DSP: variants seen among roughly 807,000 people sequenced by gnomAD.
DSP encodes the protein 250/210 kDa paraneoplastic pemphigus antigen.
In DSP, 114 loss-of-function variants were observed where a neutral mutation model predicts 290.6. The ratio of observed to expected loss-of-function variants is 0.39; its 90% CI spans 0.34 to 0.46. DSP has a LOEUF of 0.46. DSP is among the 20% of genes least tolerant of loss of function. DSP has a pLI of 0.99. For missense variants in DSP, 3,230 were observed against 3,495.8 expected (o/e 0.92, Z 1.92); for synonymous variants, 1,311 against 1,316.4 (o/e 1.00, Z 0.09).
In DSP at chr6:7,581,219, C is replaced by A; in HGVS notation, c.5029C>A (p.Gln1677Lys). ...ACTCCAGGAACAGGAAAGTGTCAAA[C>A]AAGCTCACTTGAGGAATGAGCATTT... ...QLLQEQESVK[Q>K]AHLRNEHFQK... The change falls in exon 23 of 24, where the codon CAA becomes AAA. Residue 1677 changes from glutamine to lysine, a missense_variant. Gln to Lys is a moderately conservative substitution (Grantham distance 53). Transcript: ENST00000379802. 6.2e-7 allele frequency: 1 copy of A among 1,614,168 alleles called. No individual in the cohort carries two copies. Among genetic ancestry groups the A allele is most frequent in the Non-Finnish European group, 8.5e-7 (1 of 1,180,040 alleles).
rs879254349 is a variant in DSP at position 7,582,968 on chromosome 6, C to T, written c.5706C>T (p.Leu1902=). Residue 1902 remains leucine, a synonymous_variant, in exon 24 of 24, where the codon CTC becomes CTT. Transcript: ENST00000379802. The surrounding 1 kb of genome is among the most constrained non-coding windows in gnomAD (Gnocchi z 4.2). ...GTCTTAGGAGTGAGATCGAAAGACT[C>T]CAAGCAGAGATCAAGAGAATTGAAG... ...KNSLRSEIER[L]QAEIKRIEER... The T allele has an allele frequency of 1.2e-6, 2 of 1,613,722 alleles. No individual in the cohort carries two copies. Among genetic ancestry groups the T allele is most frequent in the Non-Finnish European group, 1.7e-6 (2 of 1,179,974 alleles).
chr6:7,579,172 G>A lies in DSP; in HGVS notation c.3085-103G>A. 2.0e-6 allele frequency: 3 copies of A among 1,489,692 alleles called. No homozygotes were observed. The highest frequency in any genetic ancestry group is 2.7e-6 in the Non-Finnish European group (3 of 1,094,394). The allele number at this position is 1,489,692 out of a possible 1,614,324, so 92.3% of individuals were successfully genotyped here. A position where few individuals can be genotyped will look rare whatever the true frequency, so the allele number is the denominator to read the frequency against. On this transcript the variant is annotated intron_variant, in intron 22 of 23. Coordinates refer to ENST00000379802, the MANE Select transcript of DSP (RefSeq NM_004415.4). This position sits in a 1 kb window ranked among gnomAD's most constrained non-coding sequence, Gnocchi z 4.1. Reference sequence around the variant, plus strand: ...TTGCATGTATGTCCATGTGTGTAAAGAGAAATAAGAATGCACATTGGTCTG... The same window carrying A: ...TTGCATGTATGTCCATGTGTGTAAAAAGAAATAAGAATGCACATTGGTCTG...
rs1422876320 is a variant in DSP at position 7,580,222 on chromosome 6, T to C, written c.4032T>C (p.Tyr1344=). 1.9e-6 allele frequency: 3 copies of C among 1,613,656 alleles called. No individual in the cohort carries two copies. Among genetic ancestry groups the C allele is most frequent in the African/African-American group, 1.3e-5 (1 of 74,792 alleles). The change falls in exon 23 of 24, where the codon TAT becomes TAC. Residue 1344 remains tyrosine (Y), a synonymous_variant. Coordinates refer to ENST00000379802, the MANE Select transcript of DSP (RefSeq NM_004415.4). The surrounding 1 kb of genome is among the most constrained non-coding windows in gnomAD (Gnocchi z 4.2). ...FQEEAKRRWE[Y]ENELSKVRNN... ...AGGAGGCCAAGCGCCGCTGGGAATA[T>C]GAAAATGAACTGAGTAAGGTAAGAA...
At position 7,585,333 on chromosome 6, in the gene DSP, G is replaced by A; in HGVS notation, c.8071G>A (p.Ala2691Thr). The A allele has an allele frequency of 1.2e-6, 2 of 1,614,164 alleles. No individual in the cohort carries two copies. Among genetic ancestry groups the A allele is most frequent in the Non-Finnish European group, 8.5e-7 (1 of 1,180,036 alleles). Residue 2691 changes from alanine to threonine, a missense_variant, in exon 24 of 24, where the codon GCT (alanine) becomes ACT (threonine). This residue lies in a region of DSP where 582 missense variants were observed against 555.4 expected (regional missense o/e 1.05). Coordinates refer to ENST00000379802, the MANE Select transcript of DSP (RefSeq NM_004415.4). ...DQDMATRLKP[A>T]QKAFIGFEGV... ...AGACATGGCCACCAGGCTGAAGCCT[G>A]CTCAGAAAGCCTTCATAGGCTTCGA...
rs771686214 is a variant in DSP, at chr6:7,581,437, C to G, written c.5247C>G (p.Ile1749Met). 8 of 1,612,850 alleles carry G rather than the reference C, an allele frequency of 5.0e-6. No individual in the cohort carries two copies. Among genetic ancestry groups the G allele is most frequent in the Non-Finnish European group, 6.8e-6 (8 of 1,179,548 alleles). ...CGGACAGTGATAAAAATGCAACCAT[C>G]TTGGAACTAAGGAGCCAGCTGCAGA... The part of the protein sequence containing the change: ...SEADSDKNAT[I>M]LELRSQLQIS... The change falls in exon 23 of 24, where the codon ATC becomes ATG. Residue 1749 changes from isoleucine to methionine, a missense_variant. By Grantham distance (10) the Ile-to-Met change is conservative. Around this residue, in one of 5 missense-constraint regions of DSP, gnomAD observed 1,714 missense variants for 1,844.5 expected, o/e 0.93. Coordinates refer to ENST00000379802, the MANE Select transcript of DSP (RefSeq NM_004415.4).
In DSP at chr6:7,585,970, GT is replaced by G; in HGVS notation, c.*93del. 4 of 1,295,190 alleles carry G rather than the reference GT, an allele frequency of 3.1e-6. No individual in the cohort carries two copies. Among genetic ancestry groups the G allele is most frequent in the Non-Finnish European group, 3.3e-6 (3 of 906,882 alleles). The allele number at this position is 1,295,190 out of a possible 1,614,324, so 80.2% of individuals were successfully genotyped here. Reference sequence around the variant, plus strand: ...AGAAAAGAAAATCCCGGTGCTTGCAGTAGAGTGATAGGACATTCTATGCTTA... The same window carrying G: ...AGAAAAGAAAATCCCGGTGCTTGCAGAGAGTGATAGGACATTCTATGCTTA... On this transcript the variant is annotated 3_prime_UTR_variant, in exon 24 of 24. Coordinates refer to ENST00000379802, the MANE Select transcript of DSP (RefSeq NM_004415.4).
At position 7,584,718 on chromosome 6, in the gene DSP, G is replaced by A. The variant is rs1296050454; in HGVS notation, c.7456G>A (p.Gly2486Ser). The A allele has an allele frequency of 6.2e-7, 1 of 1,614,018 alleles. No individual in the cohort carries two copies. Among genetic ancestry groups the A allele is most frequent in the African/African-American group, 1.3e-5 (1 of 74,908 alleles). ...EMSVQEAYKK[G>S]LIDYETFKEL... is the part of the protein sequence containing the mutation. ...GTCTGTTCAGGAGGCCTACAAGAAG[G>A]GCCTAATTGATTATGAAACCTTCAA... Residue 2486 changes from glycine to serine, a missense_variant, in exon 24 of 24, where the codon GGC becomes AGC. By Grantham distance (56) the Gly-to-Ser change is moderately conservative (BLOSUM62 0). Around this residue, in one of 5 missense-constraint regions of DSP, gnomAD observed 582 missense variants for 555.4 expected, o/e 1.05. Transcript: ENST00000379802. This position sits in a 1 kb window ranked among gnomAD's most constrained non-coding sequence, Gnocchi z 6.4.
chr6:7,579,896 A>C lies in DSP; in HGVS notation c.3706A>C (p.Arg1236=), dbSNP rs377098318. 1 of 1,614,072 alleles carries C rather than the reference A, an allele frequency of 6.2e-7. No individual in the cohort carries two copies. The highest frequency in any genetic ancestry group is 1.3e-5 in the African/African-American group (1 of 74,950). The change falls in exon 23 of 24, where the codon AGA becomes CGA. Residue 1236 remains arginine (R), a synonymous_variant. Coordinates refer to ENST00000379802, the MANE Select transcript of DSP (RefSeq NM_004415.4). This position sits in a 1 kb window ranked among gnomAD's most constrained non-coding sequence, Gnocchi z 4.1. ...AAAAGAGGATGATTCCAAAAATCTT[A>C]GAAACCAGCTTGATAGACTTTCAAG... ...MQKEDDSKNL[R]NQLDRLSREN...
chr6:7,583,393 CCA>C lies in DSP; in HGVS notation c.6134_6135del (p.Thr2045SerfsTer15). Reference sequence around the variant, plus strand: ...AGAAAGAAATTAATCAGCCCAGAATCCACAGTCATGCTTCTGGAGGCCCAGGC... The same window carrying C: ...AGAAAGAAATTAATCAGCCCAGAATCCAGTCATGCTTCTGGAGGCCCAGGC... On this transcript the variant is annotated frameshift_variant, in exon 24 of 24. Transcript: ENST00000379802. LOFTEE classifies it high-confidence loss of function. This position sits in a 1 kb window ranked among gnomAD's most constrained non-coding sequence, Gnocchi z 4.0. 6.2e-7 allele frequency: 1 copy of C among 1,614,164 alleles called. No individual in the cohort carries two copies. The highest frequency in any genetic ancestry group is 8.5e-7 in the Non-Finnish European group (1 of 1,180,038).
Position 7,570,796 on chromosome 6 carries a change from C to T in DSP, c.1701+233C>T, listed in dbSNP as rs149295757. On this transcript the variant is annotated intron_variant, in intron 13 of 23. Transcript: ENST00000379802. ...ATACTAATTCAGGTGGCCTGACAAGCAAGCCAGAAGTGCCTGTGGAAAAGT... is the reference window on the plus strand; with the variant it reads ...ATACTAATTCAGGTGGCCTGACAAGTAAGCCAGAAGTGCCTGTGGAAAAGT... Among the ~76,000 whole-genome samples, 1,129 of 152,308 alleles carry T rather than the reference C, an allele frequency of 7.4e-3. 10 individuals carry two copies. Among genetic ancestry groups the T allele is most frequent in the Non-Finnish European group, 0.01 (688 of 68,022 alleles).
chr6:7,580,637 A>C lies in DSP; in HGVS notation c.4447A>C (p.Ile1483Leu). 6.2e-7 allele frequency: 1 copy of C among 1,614,118 alleles called. No individual in the cohort carries two copies. The highest frequency in any genetic ancestry group is 8.5e-7 in the Non-Finnish European group (1 of 1,180,036). Reference protein sequence around the residue: ...AKTIQDKNKEIERLKQLIDKE... With the variant: ...AKTIQDKNKELERLKQLIDKE... ...AACCATCCAGGATAAAAACAAGGAGATAGAAAGGTTAAAACAACTGATCGA... is the reference window on the plus strand; with the variant it reads ...AACCATCCAGGATAAAAACAAGGAGCTAGAAAGGTTAAAACAACTGATCGA... The change falls in exon 23 of 24, where the codon ATA becomes CTA. Residue 1483 changes from isoleucine (I) to leucine (L), a missense_variant. Around this residue, in one of 5 missense-constraint regions of DSP, gnomAD observed 1,714 missense variants for 1,844.5 expected, o/e 0.93. Transcript: ENST00000379802. The surrounding 1 kb of genome is among the most constrained non-coding windows in gnomAD (Gnocchi z 4.2).
At chr6:7,571,333 A>G (rs984640852) in intron 13 of DSP, 50 bp from the exon 14 acceptor site, 7 of 1,609,020 alleles carry the variant, frequency 4.4e-6, no homozygotes, top group Non-Finnish European at 4.3e-6. Flanking sequence ...TCTTGATTGC[A>G]TTGTGGGGCA....
chr6:7,544,826 T>C (rs1758125593), intron 1 of DSP, among the ~76,000 whole-genome samples: 1 of 152,236 alleles, frequency 6.6e-6, no homozygotes, highest in Admixed American at 6.5e-5. Flanking sequence ...TGTCTTTGTT[T>C]TAGATTGAAT....
In DSP at chr6:7,585,144, C is replaced by A. The variant is rs1334744061; in HGVS notation, c.7882C>A (p.Leu2628Met). 6.2e-7 allele frequency: 1 copy of A among 1,614,160 alleles called. No homozygotes were observed. The highest frequency in any genetic ancestry group is 2.2e-5 in the East Asian group (1 of 44,882). ...PIAAIFDTEN[L>M]EKISITEGIE... ...TGCAGCCATCTTTGACACAGAAAAC[C>A]TGGAGAAAATCTCCATTACAGAAGG... Residue 2628 changes from leucine to methionine, a missense_variant, in exon 24 of 24, where the codon CTG (leucine) becomes ATG (methionine). Physicochemically the swap from Leu to Met is conservative, Grantham distance 15 (BLOSUM62 2). Coordinates refer to ENST00000379802, the MANE Select transcript of DSP (RefSeq NM_004415.4).
At chr6:7,561,546 C>A (rs1382995590) in intron 4 of DSP, among the ~76,000 whole-genome samples, 1 of 152,088 alleles carries the variant, frequency 6.6e-6, no homozygotes, top group African/African-American at 2.4e-5. Flanking sequence ...TTTGTGTTTG[C>A]CGATGGACAG....
Position 7,581,351 on chromosome 6 carries a change from G to A in DSP, c.5161G>A (p.Glu1721Lys), listed in dbSNP as rs1241847895. ...ENLTKEHLML[E>K]EELRNLRLEY... is the part of the protein sequence containing the mutation. ...CCTGACCAAGGAGCACTTGATGTTA[G>A]AAGAAGAACTGCGGAACCTGAGGCT... is the stretch of plus-strand genomic sequence containing the variant. The change falls in exon 23 of 24, where the codon GAA becomes AAA. Residue 1721 changes from glutamate to lysine, a missense_variant. By Grantham distance (56) the Glu-to-Lys change is moderately conservative (BLOSUM62 1). This residue lies in a region of DSP where 1,714 missense variants were observed against 1,844.5 expected (regional missense o/e 0.93). Coordinates refer to ENST00000379802, the MANE Select transcript of DSP (RefSeq NM_004415.4). 1 of 1,614,008 alleles carries A rather than the reference G, an allele frequency of 6.2e-7. No individual in the cohort carries two copies. The highest frequency in any genetic ancestry group is 1.7e-5 in the Admixed American group (1 of 60,016).
chr6:7,543,228 A>T (rs1461030572), intron 1 of DSP, among the ~76,000 whole-genome samples: 1 of 151,520 alleles, frequency 6.6e-6, no homozygotes, highest in East Asian at 2.0e-4. Flanking sequence ...CCGGGACGTT[A>T]TTTACCAGGC....
At chr6:7,577,178 C>T in intron 20 of DSP, 136 bp downstream of exon 20, 1 of 673,862 alleles carries the variant, frequency 1.5e-6, no homozygotes, top group Non-Finnish European at 2.4e-6. Context: ...TCTGAACAAA[C>T]CATAAAAATT....
chr6:7,575,626 C>A, intron 18 of DSP, 138 bp downstream of exon 18: 1 of 1,021,140 alleles, frequency 9.8e-7, no homozygotes. Context: ...ATGCTCTTTT[C>A]ATGGACTGCC....
Sources: allele counts gnomAD v4.1 joint callset (sites outside exome capture counted in the v4.1 genomes callset), GRCh38; gene constraint gnomAD v4.1.1; regional missense constraint gnomAD v4.1.1; non-coding constraint Gnocchi (gnomAD v3.1); transcripts MANE v1.5; gene names NCBI Gene and HGNC (gene_info 2026-07-23, HGNC 2026-07-21).